Variants in HIVEP2 observed in about 807,000 individuals in gnomAD.
HIVEP2 encodes the protein transcription factor HIVEP2.
Under a neutral mutation model 180.7 loss-of-function variants are expected in HIVEP2, and 14 were observed. The ratio of observed to expected loss-of-function variants is 0.08; its 90% confidence interval spans 0.05 to 0.12. HIVEP2 has a LOEUF of 0.12. Among genes scored for constraint, HIVEP2 ranks in the 10% least tolerant of loss-of-function variants. The probability of loss-of-function intolerance (pLI) is 1.00; values close to 1 mark genes in which losing one functional copy is unlikely to be tolerated. For synonymous variants in HIVEP2, 1,184 were observed against 1,136.4 expected (o/e 1.04, Z -0.84); for missense variants, 2,579 against 3,008.5 (o/e 0.86, Z 3.34).
chr6:142,857,578 G>GA (rs560523380), intron 1 of HIVEP2, among the ~76,000 whole-genome samples: 109 of 152,284 alleles, frequency 7.2e-4, no homozygotes, highest in Admixed American at 2.0e-3. Flanking sequence ...CACTGCATTA[G>GA]AAAAACAACC....
At chr6:142,795,196 A>T (rs1776252897) in intron 2 of HIVEP2, among the ~76,000 whole-genome samples, 1 of 152,206 alleles carries the variant, frequency 6.6e-6, no homozygotes, top group South Asian at 2.1e-4. Flanking sequence ...ATAATAAATT[A>T]AAAAATTGTT....
At chr6:142,916,581 G>A (rs891926867) in intron 1 of HIVEP2, among the ~76,000 whole-genome samples, 9 of 152,096 alleles carry the variant, frequency 5.9e-5, no homozygotes, top group African/African-American at 2.2e-4. Flanking sequence ...CAAGACATCC[G>A]TTTCTCAGAA....
chr6:142,813,674 C>T (rs1776755821), intron 2 of HIVEP2, among the ~76,000 whole-genome samples: 1 of 150,268 alleles, frequency 6.7e-6, no homozygotes, highest in Non-Finnish European at 1.5e-5. Context: ...TTCAAGGACT[C>T]AAGCAATCTT....
intron 1 of HIVEP2, among the ~76,000 whole-genome samples, chr6:142,910,091 T>C (rs1007130309): frequency 6.6e-6 from 1 of 152,218 alleles, no homozygotes; most frequent in Non-Finnish European, 1.5e-5. Flanking sequence ...ATCAAGCCTA[T>C]TAAAACTAAG....
intron 1 of HIVEP2, among the ~76,000 whole-genome samples, chr6:142,838,017 C>A (rs1030278498): frequency 2.6e-5 from 4 of 151,988 alleles, no homozygotes; most frequent in African/African-American, 9.7e-5. Context: ...TTGAAATTGG[C>A]CATGCACTGC....
intron 1 of HIVEP2, among the ~76,000 whole-genome samples, chr6:142,864,345 A>T (rs1776081285): frequency 6.6e-6 from 1 of 152,132 alleles, no homozygotes; most frequent in South Asian, 2.1e-4. Context: ...TGCTGCTCTC[A>T]CAATAGCAGA....
intron 9 of HIVEP2, among the ~76,000 whole-genome samples, chr6:142,755,245 C>T (rs562784706): frequency 2.6e-5 from 4 of 152,264 alleles, no homozygotes; most frequent in East Asian, 1.9e-4. Flanking sequence ...GTGAGTGAAA[C>T]GGTGCAATCA....
intron 1 of HIVEP2, among the ~76,000 whole-genome samples, chr6:142,852,227 T>C (rs536457364): frequency 6.6e-6 from 1 of 152,364 alleles, no homozygotes; most frequent in South Asian, 2.1e-4. Flanking sequence ...ATTATATTAT[T>C]TTAAATTTTG....
chr6:142,772,248 G>T lies in HIVEP2; in HGVS notation c.2491C>A (p.Pro831Thr). 6.2e-7 allele frequency: 1 copy of T among 1,614,192 alleles called. No homozygotes were observed. Among genetic ancestry groups the T allele is most frequent in the Non-Finnish European group, 8.5e-7 (1 of 1,180,042 alleles). Residue 831 changes from proline to threonine, a missense_variant, in exon 5 of 10, where the codon CCT (proline) becomes ACT (threonine). Transcript: ENST00000367603. The surrounding 1 kb of genome is among the most constrained non-coding windows in gnomAD (Gnocchi z 4.9). ...CTGTCACAAGTCTCTGAAGGGGAAG[G>T]GGCTTTATCCTGTGTGCAAGCCACA... is the stretch of plus-strand genomic sequence containing the variant. ...ELVACTQDKA[P>T]SPSETCDSEI... is the part of the protein sequence containing the mutation.
At chr6:142,799,041 A>C (rs888197149) in intron 2 of HIVEP2, among the ~76,000 whole-genome samples, 3 of 152,188 alleles carry the variant, frequency 2.0e-5, no homozygotes, top group African/African-American at 7.2e-5. Context: ...ACAAGTGACC[A>C]TAAGTTGAAA....
chr6:142,762,452 GCA>G (rs35168499), intron 7 of HIVEP2, among the ~76,000 whole-genome samples: 2,592 of 144,090 alleles, frequency 0.018, 25 homozygotes, highest in Middle Eastern at 0.034. Context: ...ACAGAAGAAT[GCA>G]CACACACACA....
intron 3 of HIVEP2, among the ~76,000 whole-genome samples, chr6:142,777,725 AT>A (rs1775741335): frequency 6.8e-6 from 1 of 146,602 alleles, no homozygotes; most frequent in Non-Finnish European, 1.5e-5. Flanking sequence ...GAAAGAAAGG[AT>A]TTTTACCTTC....
At chr6:142,852,454 T>G (rs1417262795) in intron 1 of HIVEP2, among the ~76,000 whole-genome samples, 1 of 152,194 alleles carries the variant, frequency 6.6e-6, no homozygotes, top group Non-Finnish European at 1.5e-5. Flanking sequence ...AGATTGTTAC[T>G]GTGTGGACCC....
At chr6:142,888,712 C>G (rs1776773618) in intron 1 of HIVEP2, among the ~76,000 whole-genome samples, 1 of 152,156 alleles carries the variant, frequency 6.6e-6, no homozygotes, top group Non-Finnish European at 1.5e-5. Flanking sequence ...CTTAACTCCT[C>G]CTTAAACCTC....
intron 1 of HIVEP2, among the ~76,000 whole-genome samples, chr6:142,912,607 G>A (rs375625448): frequency 3.6e-4 from 55 of 152,334 alleles, no homozygotes; most frequent in Admixed American, 1.2e-3. Flanking sequence ...GTGGGCAAGC[G>A]AGCATTACTG....
chr6:142,810,329 G>A (rs571279648), intron 2 of HIVEP2, among the ~76,000 whole-genome samples: 4 of 152,186 alleles, frequency 2.6e-5, no homozygotes, highest in East Asian at 3.9e-4. Context: ...TCAATCTTAA[G>A]AATTTAATTC....
At chr6:142,756,819 AT>A (rs2114597591) in intron 9 of HIVEP2, among the ~76,000 whole-genome samples, 1 of 152,126 alleles carries the variant, frequency 6.6e-6, no homozygotes, top group Non-Finnish European at 1.5e-5. Context: ...CTATCTATCT[AT>A]CTATCTATCT....
chr6:142,863,504 G>A (rs898303980), intron 1 of HIVEP2, among the ~76,000 whole-genome samples: 1 of 151,850 alleles, frequency 6.6e-6, no homozygotes, highest in Non-Finnish European at 1.5e-5. Flanking sequence ...GAAGAATCAA[G>A]GCATATCTGA....
rs769993992 is a variant in HIVEP2 at position 142,773,908 on chromosome 6, C to G, written c.831G>C (p.Gln277His). The G allele has an allele frequency of 9.3e-6, 15 of 1,613,840 alleles. No individual in the cohort carries two copies. Among genetic ancestry groups the G allele is most frequent in the Non-Finnish European group, 5.1e-6 (6 of 1,180,034 alleles). Residue 277 changes from glutamine (Q) to histidine (H), a missense_variant, in exon 5 of 10, where the codon CAG (glutamine) becomes CAC (histidine). This residue lies in a region of HIVEP2 where 142 missense variants were observed against 135.2 expected (regional missense o/e 1.05). Transcript: ENST00000367603. ...AACTCTCCTCATCTGTGTCTGTACT[C>G]TGTTCACCATCTGAATGTATTTCTG... The part of the protein sequence containing the change: ...VEAEIHSDGE[Q>H]STDTDEESSL...
Sources: gnomAD v4.1 joint callset for allele counts (sites outside exome capture counted in the v4.1 genomes callset) on GRCh38, gnomAD v4.1.1 for gene constraint, gnomAD v4.1.1 regional missense constraint, Gnocchi (gnomAD v3.1) non-coding constraint, MANE v1.5 for transcripts, NCBI Gene and HGNC (gene_info 2026-07-23, HGNC 2026-07-21) for gene names.